The following BEND6 variants were observed in gnomAD, a reference collection of about 807,000 sequenced individuals.
BEND6 encodes BEN domain containing 6.
In BEND6, 24 loss-of-function variants were observed where a neutral mutation model predicts 31.8. The ratio of observed to expected loss-of-function variants is 0.75; its 90% CI spans 0.55 to 1.06. BEND6 has a LOEUF of 1.06. BEND6 is among the 50% of genes least tolerant of loss of function. BEND6 has a pLI of 0.00. For missense variants in BEND6, 294 were observed against 327.4 expected (o/e 0.90, Z 0.79); for synonymous variants, 109 against 114.6 (o/e 0.95, Z 0.31).
chr6:57,014,460 A>G, intron 3 of BEND6: 1 of 1,498,212 alleles, frequency 6.7e-7, no homozygotes, highest in Non-Finnish European at 8.9e-7. Context: ...ATTTGTCCTT[A>G]GGAAACAAAC....
intron 2 of BEND6, among the ~76,000 whole-genome samples, chr6:56,983,180 A>T (rs1826129987): frequency 6.6e-6 from 1 of 152,176 alleles, no homozygotes; most frequent in African/African-American, 2.4e-5. Flanking sequence ...AATAAATTTT[A>T]TTGTGTATAT....
rs1037730183 is a variant in BEND6, at chr6:57,026,580, C to T, written c.*508C>T. The T allele has an allele frequency of 3.3e-5, 5 of 152,112 alleles. No homozygotes were observed. The highest frequency in any genetic ancestry group is 7.4e-5 in the Non-Finnish European group (5 of 68,016). 9.4% of individuals were successfully genotyped at this position (152,112 alleles called of 1,614,324 possible). On this transcript the variant is annotated 3_prime_UTR_variant, in exon 7 of 7. Transcript: ENST00000370746. ...TTAATGTTGGCAAATATGAGAACAA[C>T]AAAGTCAGCCCAAAATCTGATAATC...
chr6:56,994,936 T>C (rs1826649074), intron 3 of BEND6, among the ~76,000 whole-genome samples: 1 of 152,198 alleles, frequency 6.6e-6, no homozygotes, highest in Non-Finnish European at 1.5e-5. Flanking sequence ...CCAAGTCTTC[T>C]TAATTCTCAG....
intron 3 of BEND6, chr6:57,004,579 C>A: frequency 4.2e-6 from 4 of 945,018 alleles, no homozygotes; most frequent in Non-Finnish European, 6.8e-6. Flanking sequence ...ACCACCAGGA[C>A]TCAGAGGCCA....
At chr6:57,008,067 C>A (rs977916393) in intron 3 of BEND6, 1 of 666,484 alleles carries the variant, frequency 1.5e-6, no homozygotes, top group Non-Finnish European at 2.7e-6. Context: ...TTTGTTTCAA[C>A]TAGAAGGTCA....
intron 1 of BEND6, among the ~76,000 whole-genome samples, chr6:56,969,572 A>C (rs1342155264): frequency 6.6e-6 from 1 of 152,180 alleles, no homozygotes; most frequent in African/African-American, 2.4e-5. Flanking sequence ...AAAACTTTTG[A>C]AACCTATGAA....
intron 2 of BEND6, among the ~76,000 whole-genome samples, chr6:56,987,992 T>C (rs1422856347): frequency 6.6e-6 from 1 of 151,540 alleles, no homozygotes. Context: ...AAAAGGTAAA[T>C]GTGAATGCTT....
At chr6:56,977,601 T>C (rs1825925063) in intron 1 of BEND6, among the ~76,000 whole-genome samples, 1 of 152,216 alleles carries the variant, frequency 6.6e-6, no homozygotes, top group South Asian at 2.1e-4. Context: ...AACCATTATG[T>C]GTATTTTTAA....
At chr6:57,008,021 C>T (rs1167328752) in intron 3 of BEND6, among the ~76,000 whole-genome samples, 1 of 152,198 alleles carries the variant, frequency 6.6e-6, no homozygotes, top group Non-Finnish European at 1.5e-5. Flanking sequence ...TGCCTTCATG[C>T]AGTATAGCAT....
At chr6:57,000,190 CTG>C (rs1355689626) in intron 3 of BEND6, among the ~76,000 whole-genome samples, 2 of 152,014 alleles carry the variant, frequency 1.3e-5, no homozygotes, top group Non-Finnish European at 2.9e-5. Flanking sequence ...CAGATTGTTA[CTG>C]TGTCTGTGTA....
chr6:56,974,517 A>C (rs971997574), intron 1 of BEND6, among the ~76,000 whole-genome samples: 6 of 152,182 alleles, frequency 3.9e-5, no homozygotes, highest in Admixed American at 2.0e-4. Flanking sequence ...ACATCACCAC[A>C]CTTAATGTGT....
chr6:56,975,319 TATTTTCTTTAAAAAA>T, intron 1 of BEND6, among the ~76,000 whole-genome samples: 1 of 152,248 alleles, frequency 6.6e-6, no homozygotes, highest in African/African-American at 2.4e-5. Flanking sequence ...ATATGGAGTA[TATTTTCTTTAAAAAA>T]ATGAAAAACT....
At chr6:56,982,862 AC>A (rs1182788735) in intron 2 of BEND6, among the ~76,000 whole-genome samples, 3 of 152,168 alleles carry the variant, frequency 2.0e-5, no homozygotes, top group Admixed American at 6.5e-5. Flanking sequence ...TGTCTTTGGC[AC>A]AAAACTAACC....
rs375388847 is a variant in BEND6 at position 56,991,839 on chromosome 6, C to T, written c.121-539C>T. Reference sequence around the variant, plus strand: ...CCCTGTCAGCTACTACCCCACACTCCCCTCCACAGGTACTTCTTGTCCTTC... The same window carrying T: ...CCCTGTCAGCTACTACCCCACACTCTCCTCCACAGGTACTTCTTGTCCTTC... On this transcript the variant is annotated intron_variant, in intron 2 of 6. Transcript: ENST00000370746. Among the ~76,000 whole-genome samples, 4 of 152,272 alleles carry T rather than the reference C, an allele frequency of 2.6e-5. No homozygotes were observed. The East Asian group carries it at 5.8e-4, about 22-fold the overall frequency.
chr6:57,010,634 T>C lies in BEND6; in HGVS notation c.299-4499T>C, dbSNP rs370355862. 56 of 917,334 alleles carry C rather than the reference T, an allele frequency of 6.1e-5. 1 individual carries two copies. In the East Asian group the frequency reaches 1.1e-3, roughly 17 times the overall value. 56.8% of individuals were successfully genotyped at this position (917,334 alleles called of 1,614,324 possible). ...TAAGTGGATTGAGACTTGCCATGAA[T>C]TGAAATGGGAGAATTTGCTATTTTT... On this transcript the variant is annotated intron_variant, in intron 3 of 6. Transcript: ENST00000370746.
intron 3 of BEND6, among the ~76,000 whole-genome samples, chr6:56,996,236 C>G (rs537892116): frequency 6.6e-6 from 1 of 152,052 alleles, no homozygotes; most frequent in African/African-American, 2.4e-5. Context: ...CACTTGAGAC[C>G]AGGAGTTTGA....
chr6:56,986,744 C>T (rs1239579357), intron 2 of BEND6, among the ~76,000 whole-genome samples: 1 of 152,136 alleles, frequency 6.6e-6, no homozygotes, highest in Non-Finnish European at 1.5e-5. Flanking sequence ...AAGTCTTGCA[C>T]TCAGCCTCTG....
intron 1 of BEND6, among the ~76,000 whole-genome samples, chr6:56,966,946 T>G (rs1270782602): frequency 6.6e-6 from 1 of 152,172 alleles, no homozygotes; most frequent in Non-Finnish European, 1.5e-5. Flanking sequence ...GAAATAGAGC[T>G]TGATCAGTGG....
intron 5 of BEND6, 127 bp downstream of exon 5, chr6:57,017,526 A>G: frequency 2.6e-6 from 2 of 767,064 alleles, no homozygotes; most frequent in Non-Finnish European, 3.6e-6. Flanking sequence ...AAATCTTAGG[A>G]TAGTCTAAAG....
Sources: gnomAD v4.1 joint callset for allele counts (sites outside exome capture counted in the v4.1 genomes callset) on GRCh38, gnomAD v4.1.1 for gene constraint, MANE v1.5 for transcripts, NCBI Gene and HGNC (gene_info 2026-07-23, HGNC 2026-07-21) for gene names.